MARCHF1: variants seen among roughly 807,000 people sequenced by gnomAD.
MARCHF1 encodes the protein membrane associated ring-CH-type finger 1, also known as E3 ubiquitin-protein ligase MARCHF1.
In MARCHF1, 40 loss-of-function variants were observed where a neutral mutation model predicts 54.2. The ratio of observed to expected loss-of-function variants is 0.74; its 90% CI spans 0.57 to 0.96. The LOEUF (loss-of-function observed/expected upper bound fraction) is 0.96, where lower values mean the gene tolerates loss of function less well. MARCHF1 is among the 40% of genes least tolerant of loss of function. MARCHF1 has a pLI of 0.00. For missense variants in MARCHF1, 586 were observed against 656.5 expected, an observed-to-expected ratio of 0.89 and a Z score of 1.17; for synonymous variants, 236 against 236.3, an observed-to-expected ratio of 1.00 and a Z score of 0.01.
At chr4:164,195,231 T>G (rs1284587066) in intron 1 of MARCHF1, among the ~76,000 whole-genome samples, 1 of 151,568 alleles carries the variant, frequency 6.6e-6, no homozygotes, top group African/African-American at 2.4e-5. Flanking sequence ...TAGAAAATTG[T>G]TTTTTTTCTT....
At chr4:163,557,952 T>G (rs781017292) in intron 8 of MARCHF1, among the ~76,000 whole-genome samples, 10 of 152,220 alleles carry the variant, frequency 6.6e-5, no homozygotes, top group Non-Finnish European at 1.5e-4. Flanking sequence ...GAAGGTTTAA[T>G]ATTCCCATTT....
chr4:164,129,966 G>A (rs1421120518), intron 1 of MARCHF1: 1 of 152,070 alleles, frequency 6.6e-6, no homozygotes, highest in Admixed American at 6.6e-5. Context: ...AAAGAAAATT[G>A]TCCTAAACAA....
At chr4:163,695,016 T>C (rs1213734784) in intron 5 of MARCHF1, among the ~76,000 whole-genome samples, 2 of 152,140 alleles carry the variant, frequency 1.3e-5, no homozygotes, top group African/African-American at 4.8e-5. Flanking sequence ...CTTTACTTCA[T>C]CAACCTACCA....
chr4:163,817,811 G>A (rs1202120277), intron 4 of MARCHF1, among the ~76,000 whole-genome samples: 1 of 151,660 alleles, frequency 6.6e-6, no homozygotes, highest in Non-Finnish European at 1.5e-5. Flanking sequence ...GTCCTTTGTA[G>A]GGATATGGAT....
At chr4:163,947,750 C>T (rs1165497522) in intron 3 of MARCHF1, among the ~76,000 whole-genome samples, 8 of 152,182 alleles carry the variant, frequency 5.3e-5, no homozygotes, top group African/African-American at 9.7e-5. Context: ...AAACTAGTAG[C>T]GTAGCTTATA....
intron 4 of MARCHF1, among the ~76,000 whole-genome samples, chr4:163,791,158 C>A (rs1361878928): frequency 2.6e-5 from 4 of 152,098 alleles, no homozygotes; most frequent in African/African-American, 7.2e-5. Flanking sequence ...AGAACTAAGG[C>A]ATATAAGAAT....
intron 1 of MARCHF1, among the ~76,000 whole-genome samples, chr4:164,212,842 G>T (rs1731816110): frequency 6.6e-6 from 1 of 152,038 alleles, no homozygotes; most frequent in Non-Finnish European, 1.5e-5. Context: ...GAAAAACGAG[G>T]CCCACCAAGG....
rs1579500377 is a variant in MARCHF1, at chr4:164,059,968, T to C, written c.-248+51620A>G. 2.6e-5 allele frequency among the ~76,000 whole-genome samples: 4 copies of C among 152,256 alleles called. No homozygotes were observed. In the South Asian group the frequency reaches 8.3e-4, roughly 32 times the overall value. On this transcript the variant is annotated intron_variant, in intron 2 of 9. Coordinates refer to ENST00000514618, the MANE Select transcript of MARCHF1 (RefSeq NM_001394959.1). Reference sequence around the variant, plus strand: ...TTAGGCCTGCCGCTTAGTATTGATATAAACATGGTCAAGTTGTTTTTACTC... The same window carrying C: ...TTAGGCCTGCCGCTTAGTATTGATACAAACATGGTCAAGTTGTTTTTACTC...
intron 4 of MARCHF1, among the ~76,000 whole-genome samples, chr4:163,735,859 T>TCCA (rs944657607): frequency 6.6e-6 from 1 of 152,184 alleles, no homozygotes; most frequent in African/African-American, 2.4e-5. Context: ...AGTCTTAAAC[T>TCCA]ATTGGTACAG....
At chr4:164,010,130 A>C (rs962545254) in intron 2 of MARCHF1, among the ~76,000 whole-genome samples, 1 of 144,966 alleles carries the variant, frequency 6.9e-6, no homozygotes, top group African/African-American at 2.6e-5. Flanking sequence ...GCAGTGGCGC[A>C]ATCTCGGCTC....
At chr4:164,168,663 TACACACAC>T (rs3059785) in intron 1 of MARCHF1, among the ~76,000 whole-genome samples, 1,716 of 147,164 alleles carry the variant, frequency 0.012, 32 homozygotes, top group African/African-American at 0.041. Flanking sequence ...TTATGTGGAA[TACACACAC>T]ACACACACAC....
intron 5 of MARCHF1, among the ~76,000 whole-genome samples, chr4:163,622,674 G>A (rs1404153773): frequency 1.3e-5 from 2 of 152,064 alleles, no homozygotes; most frequent in South Asian, 2.1e-4. Flanking sequence ...TCTCGATGCC[G>A]AGTTTATAAT....
chr4:164,374,893 A>G (rs1241020604), intron 1 of MARCHF1, among the ~76,000 whole-genome samples: 1 of 152,170 alleles, frequency 6.6e-6, no homozygotes, highest in Non-Finnish European at 1.5e-5. Context: ...CTTATTAAAA[A>G]GGAAAGAGAG....
intron 3 of MARCHF1, among the ~76,000 whole-genome samples, chr4:163,929,544 TTTTTC>T (rs1319620703): frequency 6.6e-6 from 1 of 152,014 alleles, no homozygotes; most frequent in African/African-American, 2.4e-5. Context: ...TTAAGTATTT[TTTTTC>T]CCTTCATCAG....
intron 2 of MARCHF1, among the ~76,000 whole-genome samples, chr4:164,017,035 T>A (rs1753558078): frequency 6.6e-6 from 1 of 152,022 alleles, no homozygotes; most frequent in Admixed American, 6.6e-5. Context: ...TATCTAACAA[T>A]ACTTGAAAAT....
At chr4:164,327,141 G>T (rs185778652) in intron 1 of MARCHF1, among the ~76,000 whole-genome samples, 237 of 152,254 alleles carry the variant, frequency 1.6e-3, no homozygotes, top group Non-Finnish European at 1.9e-3. Flanking sequence ...AATAAAAATA[G>T]TAATCAGAAA....
intron 2 of MARCHF1, among the ~76,000 whole-genome samples, chr4:164,086,903 A>G (rs942521440): frequency 1.3e-5 from 2 of 152,236 alleles, no homozygotes; most frequent in Admixed American, 6.5e-5. Flanking sequence ...TTTCAAAAAG[A>G]CAGACAATAA....
At chr4:163,840,285 G>A (rs1749301209) in intron 4 of MARCHF1, among the ~76,000 whole-genome samples, 1 of 152,050 alleles carries the variant, frequency 6.6e-6, no homozygotes, top group Admixed American at 6.6e-5. Flanking sequence ...GAAGGGAATG[G>A]GGCGTGTTCA....
chr4:163,954,970 T>C (rs1407952073), intron 3 of MARCHF1, among the ~76,000 whole-genome samples: 1 of 152,130 alleles, frequency 6.6e-6, no homozygotes, highest in African/African-American at 2.4e-5. Context: ...AGTAACACAT[T>C]TGTCTGCCTC....
Sources: gnomAD v4.1 joint callset for allele counts (sites outside exome capture counted in the v4.1 genomes callset) on GRCh38, gnomAD v4.1.1 for gene constraint, MANE v1.5 for transcripts, NCBI Gene and HGNC (gene_info 2026-07-23, HGNC 2026-07-21) for gene names.